The following MC2R variants were observed in gnomAD, a reference collection of about 807,000 sequenced individuals.
MC2R encodes adrenocorticotropic hormone receptor.
A neutral mutation model predicts 9.8 loss-of-function variants in MC2R; 9 were observed. That is an observed-to-expected ratio of 0.92 (90% CI 0.55 to 1.60). MC2R has a LOEUF of 1.60. Ranked by LOEUF, MC2R falls within the 40% of genes most tolerant of loss-of-function variation. The probability of loss-of-function intolerance (pLI) is 0.00; values close to 1 mark genes in which losing one functional copy is unlikely to be tolerated. For synonymous variants in MC2R, 185 were observed against 154.7 expected, an observed-to-expected ratio of 1.20 and a Z score of -1.45; for missense variants, 370 against 389.0, an observed-to-expected ratio of 0.95 and a Z score of 0.41.
chr18:13,904,051 C>T (rs529561525), intron 1 of MC2R, among the ~76,000 whole-genome samples: 6 of 151,306 alleles, frequency 4.0e-5, no homozygotes, highest in African/African-American at 1.5e-4. Context: ...TTTCTTCTTC[C>T]AACGAAATAA....
chr18:13,913,453 C>CA (rs1218846066), intron 1 of MC2R, among the ~76,000 whole-genome samples: 3 of 152,328 alleles, frequency 2.0e-5, no homozygotes, highest in African/African-American at 7.2e-5. Context: ...GTTGTTCTCC[C>CA]ACCAAGTCAG....
chr18:13,913,562 G>A (rs752188365), intron 1 of MC2R, among the ~76,000 whole-genome samples: 4 of 152,126 alleles, frequency 2.6e-5, no homozygotes, highest in Non-Finnish European at 4.4e-5. Context: ...TTGTACCCTG[G>A]CGGCTCATAG....
intron 1 of MC2R, among the ~76,000 whole-genome samples, chr18:13,908,908 C>T (rs1217385088): frequency 1.3e-5 from 2 of 151,966 alleles, no homozygotes; most frequent in Non-Finnish European, 1.5e-5. Flanking sequence ...AACCTCACAC[C>T]CAGTTTAGCA....
chr18:13,902,275 A>G (rs958009229), intron 1 of MC2R, among the ~76,000 whole-genome samples: 3 of 152,146 alleles, frequency 2.0e-5, no homozygotes, highest in African/African-American at 7.2e-5. Flanking sequence ...TATACACAAC[A>G]TACCCACAGC....
chr18:13,908,323 T>C (rs1287722433), intron 1 of MC2R, among the ~76,000 whole-genome samples: 1 of 151,970 alleles, frequency 6.6e-6, no homozygotes, highest in Admixed American at 6.6e-5. Flanking sequence ...GCTAAAAAAG[T>C]AAATCTCATG....
chr18:13,901,150 G>T (rs1421365665), intron 1 of MC2R, among the ~76,000 whole-genome samples: 1 of 151,966 alleles, frequency 6.6e-6, no homozygotes, highest in Non-Finnish European at 1.5e-5. Context: ...TGAATGACCA[G>T]TGAATGAAGA....
intron 1 of MC2R, among the ~76,000 whole-genome samples, chr18:13,901,279 C>A (rs1045962646): frequency 1.3e-5 from 2 of 151,752 alleles, no homozygotes; most frequent in African/African-American, 2.4e-5. Flanking sequence ...TAAGTGCCTA[C>A]ATCAAAAAAG....
At chr18:13,911,616 AC>A (rs1016456527) in intron 1 of MC2R, among the ~76,000 whole-genome samples, 26 of 152,262 alleles carry the variant, frequency 1.7e-4, no homozygotes, top group Admixed American at 1.6e-3. Context: ...CCCCAGGGCC[AC>A]CATGAGTGCA....
chr18:13,891,578 A>T lies in MC2R; in HGVS notation c.-128-5932T>A, dbSNP rs35142606. ...TGCCTGCCCCTTCCCTAGCCTCTTC[A>T]GTGCAAAGTGCTGTCAGGCTTTTGG... On this transcript the variant is annotated intron_variant, in intron 1 of 1. Coordinates refer to ENST00000327606, the MANE Select transcript of MC2R (RefSeq NM_000529.2). 5.4e-4 allele frequency among the ~76,000 whole-genome samples: 82 copies of T among 152,292 alleles called. 1 individual carries two copies. In the South Asian group the frequency reaches 0.017, roughly 31 times the overall value.
chr18:13,899,338 A>T lies in MC2R; in HGVS notation c.-128-13692T>A, dbSNP rs554272067. Among the ~76,000 whole-genome samples, 15 of 148,272 alleles carry T rather than the reference A, an allele frequency of 1.0e-4. No homozygotes were observed. The East Asian group carries it at 2.3e-3, about 23-fold the overall frequency. On this transcript the variant is annotated intron_variant, in intron 1 of 1. Coordinates refer to ENST00000327606, the MANE Select transcript of MC2R (RefSeq NM_000529.2). ...CAGAAGAGACAAAAGAAAAAAGAAT[A>T]AAAAAAATGAAGCATGCCTATAGGA...
intron 1 of MC2R, among the ~76,000 whole-genome samples, chr18:13,891,563 T>C (rs940726239): frequency 1.3e-5 from 2 of 152,246 alleles, no homozygotes; most frequent in African/African-American, 4.8e-5. Flanking sequence ...TGCCTGCCCC[T>C]TCCCTAGCCT....
chr18:13,899,068 A>G (rs9989593), intron 1 of MC2R, among the ~76,000 whole-genome samples: 9,820 of 152,296 alleles, frequency 0.064, 997 homozygotes, highest in African/African-American at 0.22. Flanking sequence ...CCTTTCAGAC[A>G]GAGAATTCAA....
chr18:13,905,183 A>T (rs943579182), intron 1 of MC2R, among the ~76,000 whole-genome samples: 4 of 152,210 alleles, frequency 2.6e-5, no homozygotes, highest in Non-Finnish European at 5.9e-5. Context: ...ACTTAAACAC[A>T]TTTACAAGAA....
chr18:13,913,630 TG>T (rs775016023), intron 1 of MC2R, among the ~76,000 whole-genome samples: 4 of 152,184 alleles, frequency 2.6e-5, no homozygotes, highest in Non-Finnish European at 5.9e-5. Context: ...GCCCACTGGG[TG>T]GGTCTGCACC....
chr18:13,892,919 C>T (rs889547654), intron 1 of MC2R, among the ~76,000 whole-genome samples: 86 of 152,174 alleles, frequency 5.7e-4, no homozygotes, highest in Admixed American at 4.3e-3. Flanking sequence ...CTCAACCTCC[C>T]GGGCTCAAGT....
At position 13,882,724 on chromosome 18, in the gene MC2R, A is replaced by T. The variant is rs1019839229; in HGVS notation, c.*1901T>A. ...CAAAAAAAGGTTACCTCTTATTGAG[A>T]ATACGCACTTTAATCACATAAAATA... On this transcript the variant is annotated 3_prime_UTR_variant, in exon 2 of 2. Coordinates refer to ENST00000327606, the MANE Select transcript of MC2R (RefSeq NM_000529.2). 2.6e-5 allele frequency: 4 copies of T among 152,266 alleles called. No homozygotes were observed. The highest frequency in any genetic ancestry group is 9.6e-5 in the African/African-American group (4 of 41,474). The allele number at this position is 152,266 out of a possible 1,614,324, so 9.4% of individuals were successfully genotyped here. A position where few individuals can be genotyped will look rare whatever the true frequency, so the allele number is the denominator to read the frequency against.
At chr18:13,891,547 C>A (rs1435610124) in intron 1 of MC2R, among the ~76,000 whole-genome samples, 1 of 152,204 alleles carries the variant, frequency 6.6e-6, no homozygotes, top group Non-Finnish European at 1.5e-5. Flanking sequence ...ACCAGCAATG[C>A]CTGAGTGCCT....
chr18:13,909,123 T>C (rs1401120501), intron 1 of MC2R, among the ~76,000 whole-genome samples: 1 of 152,212 alleles, frequency 6.6e-6, no homozygotes, highest in Non-Finnish European at 1.5e-5. Context: ...TTCTCTTGGT[T>C]GTGACATTTT....
At chr18:13,888,829 G>A (rs2045294985) in intron 1 of MC2R, among the ~76,000 whole-genome samples, 2 of 152,200 alleles carry the variant, frequency 1.3e-5, no homozygotes, top group Non-Finnish European at 2.9e-5. Flanking sequence ...CTGCTGTGAG[G>A]TGGCGTCAAT....
Sources: gnomAD v4.1 joint callset for allele counts (sites outside exome capture counted in the v4.1 genomes callset) on GRCh38, gnomAD v4.1.1 for gene constraint, MANE v1.5 for transcripts, NCBI Gene and HGNC (gene_info 2026-07-23, HGNC 2026-07-21) for gene names.